Variants in PAK1 observed in about 807,000 individuals in gnomAD.
The protein encoded by PAK1 is p21 (RAC1) activated kinase 1, also known as serine/threonine-protein kinase PAK 1.
PAK1 carries 29 observed loss-of-function variants against 67.4 expected under a neutral mutation model. The ratio of observed to expected loss-of-function variants is 0.43; its 90% CI spans 0.32 to 0.59. The LOEUF (loss-of-function observed/expected upper bound fraction) is 0.59, where lower values mean the gene tolerates loss of function less well. Ranked by LOEUF, PAK1 falls within the 20% of genes least tolerant of loss-of-function variation. The probability of loss-of-function intolerance (pLI) is 0.07; values close to 1 mark genes in which losing one functional copy is unlikely to be tolerated. For synonymous variants in PAK1, 223 were observed against 237.4 expected (o/e 0.94, Z 0.56); for missense variants, 337 against 670.7 (o/e 0.50, Z 5.50).
the PAK1 span, among the ~76,000 whole-genome samples, chr11:77,489,133 G>A: frequency 6.6e-6 from 1 of 152,186 alleles, no homozygotes; most frequent in African/African-American, 2.4e-5. Context: ...CAAGCCAGGA[G>A]AGAGTGGCAT....
chr11:77,398,768 C>T (rs1409301151), intron 1 of PAK1, among the ~76,000 whole-genome samples: 1 of 152,096 alleles, frequency 6.6e-6, no homozygotes, highest in Admixed American at 6.6e-5. Flanking sequence ...TTTAATCAGA[C>T]CTCATCTTTA....
the PAK1 span, among the ~76,000 whole-genome samples, chr11:77,487,033 G>C: frequency 6.6e-6 from 1 of 152,172 alleles, no homozygotes; most frequent in Non-Finnish European, 1.5e-5. Context: ...ATGGCTCCAG[G>C]AGAGACTCCT....
At chr11:77,486,381 T>C in the PAK1 span, among the ~76,000 whole-genome samples, 1 of 151,928 alleles carries the variant, frequency 6.6e-6, no homozygotes, top group African/African-American at 2.4e-5. Context: ...TGGGGCAAGA[T>C]GGCTGAATAA....
chr11:77,529,671 C>T, the PAK1 span, among the ~76,000 whole-genome samples: 1 of 152,142 alleles, frequency 6.6e-6, no homozygotes, highest in African/African-American at 2.4e-5. Flanking sequence ...AAGAGACACT[C>T]CCAGACTACA....
At chr11:77,360,016 T>C (rs998798286) in intron 5 of PAK1, among the ~76,000 whole-genome samples, 1 of 152,140 alleles carries the variant, frequency 6.6e-6, no homozygotes, top group African/African-American at 2.4e-5. Context: ...ATGAAAAAGA[T>C]GGTCCATGTC....
the PAK1 span, among the ~76,000 whole-genome samples, chr11:77,499,293 G>C: frequency 3.9e-5 from 6 of 152,008 alleles, no homozygotes; most frequent in Non-Finnish European, 8.8e-5. Flanking sequence ...GAACTCCTGG[G>C]CTCAAGCAAT....
rs116650334 is a variant in PAK1 at position 77,366,413 on chromosome 11, C to T, written c.478-7396G>A. 2.9e-3 allele frequency among the ~76,000 whole-genome samples: 435 copies of T among 152,244 alleles called. 3 individuals carry two copies. Among genetic ancestry groups the T allele is most frequent in the African/African-American group, 9.9e-3 (410 of 41,558 alleles). ...GCTTCCAATATATACAGTACGTACACGTGCACACACACATATACACATACA... is the reference window on the plus strand; with the variant it reads ...GCTTCCAATATATACAGTACGTACATGTGCACACACACATATACACATACA... On this transcript the variant is annotated intron_variant, in intron 5 of 14. Transcript: ENST00000356341.
Position 77,451,163 on chromosome 11 carries a change from G to C in PAK1, c.-22+22389C>G, listed in dbSNP as rs116787692. 8.8e-3 allele frequency among the ~76,000 whole-genome samples: 1,346 copies of C among 152,206 alleles called. 28 individuals are homozygous for C. The highest frequency in any genetic ancestry group is 0.031 in the African/African-American group (1,286 of 41,520). On this transcript the variant is annotated intron_variant, in intron 1 of 14. Transcript: ENST00000356341. ...CCACCACTTTGATTCTTTATAATGG[G>C]GTTCAAGACATGCTACCCCAAAATA...
At chr11:77,334,025 TG>T (rs1227364142) in intron 13 of PAK1, among the ~76,000 whole-genome samples, 1 of 151,170 alleles carries the variant, frequency 6.6e-6, no homozygotes, top group African/African-American at 2.4e-5. Flanking sequence ...AAAACTTAGC[TG>T]GGCATGGTGG....
At chr11:77,365,541 A>G (rs889513783) in intron 5 of PAK1, among the ~76,000 whole-genome samples, 1 of 151,896 alleles carries the variant, frequency 6.6e-6, no homozygotes, top group Non-Finnish European at 1.5e-5. Context: ...ACACAAAAAG[A>G]TTCACACCTG....
At chr11:77,486,334 T>C in the PAK1 span, among the ~76,000 whole-genome samples, 1 of 151,324 alleles carries the variant, frequency 6.6e-6, no homozygotes, top group Non-Finnish European at 1.5e-5. Flanking sequence ...CAAGATCCCA[T>C]CTCAAAAAAA....
the PAK1 span, among the ~76,000 whole-genome samples, chr11:77,511,452 A>T: frequency 6.6e-6 from 1 of 152,084 alleles, no homozygotes; most frequent in South Asian, 2.1e-4. Flanking sequence ...TTCAGCACTA[A>T]ATCTCAGAGA....
chr11:77,345,101 C>T (rs1944205622), intron 9 of PAK1, among the ~76,000 whole-genome samples: 2 of 152,146 alleles, frequency 1.3e-5, no homozygotes, highest in Admixed American at 1.3e-4. Flanking sequence ...TTCTTTAAAG[C>T]CCTATAAGAT....
the PAK1 span, among the ~76,000 whole-genome samples, chr11:77,490,644 G>C: frequency 6.6e-6 from 1 of 152,270 alleles, no homozygotes. Context: ...ACAGCTCATT[G>C]AGAACGGGCC....
chr11:77,499,897 G>C, the PAK1 span, among the ~76,000 whole-genome samples: 1 of 152,024 alleles, frequency 6.6e-6, no homozygotes, highest in Non-Finnish European at 1.5e-5. Flanking sequence ...TCACCCTTTT[G>C]ACCTTCTCTA....
At chr11:77,431,801 C>T (rs919073446) in intron 1 of PAK1, among the ~76,000 whole-genome samples, 1 of 152,156 alleles carries the variant, frequency 6.6e-6, no homozygotes, top group African/African-American at 2.4e-5. Context: ...AACTTACCCA[C>T]GTATAGATGG....
intron 1 of PAK1, among the ~76,000 whole-genome samples, chr11:77,430,899 G>A (rs1016620238): frequency 6.6e-6 from 1 of 152,204 alleles, no homozygotes; most frequent in Non-Finnish European, 1.5e-5. Flanking sequence ...CTCACAGAAG[G>A]GGACAAGGGA....
At chr11:77,386,780 T>C (rs904641298) in intron 2 of PAK1, among the ~76,000 whole-genome samples, 6 of 152,116 alleles carry the variant, frequency 3.9e-5, no homozygotes, top group African/African-American at 1.4e-4. Flanking sequence ...AATTAATTAA[T>C]TAATTATTTT....
chr11:77,452,631 A>T (rs1179573942), intron 1 of PAK1, among the ~76,000 whole-genome samples: 1 of 152,208 alleles, frequency 6.6e-6, no homozygotes, highest in Non-Finnish European at 1.5e-5. Context: ...AGAAAAAAAA[A>T]GACTGGTTAT....
Sources: gnomAD v4.1 joint callset for allele counts (sites outside exome capture counted in the v4.1 genomes callset) on GRCh38, gnomAD v4.1.1 for gene constraint, MANE v1.5 for transcripts, NCBI Gene and HGNC (gene_info 2026-07-23, HGNC 2026-07-21) for gene names.